MEIS1: variants seen among roughly 807,000 people sequenced by gnomAD.
The protein encoded by MEIS1 is Meis homeobox 1, also known as homeobox protein Meis1.
A neutral mutation model predicts 50.8 loss-of-function variants in MEIS1; 5 were observed. That is an observed-to-expected ratio of 0.10 (90% CI 0.05 to 0.21). MEIS1 has a LOEUF of 0.21. Ranked by LOEUF, MEIS1 falls within the 10% of genes least tolerant of loss-of-function variation. The probability of loss-of-function intolerance (pLI) is 1.00; values close to 1 mark genes in which losing one functional copy is unlikely to be tolerated. For synonymous variants in MEIS1, 176 were observed against 179.3 expected, an observed-to-expected ratio of 0.98 and a Z score of 0.15; for missense variants, 318 against 517.3, an observed-to-expected ratio of 0.61 and a Z score of 3.74.
intron 10 of MEIS1, 121 bp downstream of exon 10, chr2:66,567,632 TA>T (rs1472072906): frequency 2.3e-6 from 2 of 867,464 alleles, no homozygotes; most frequent in South Asian, 1.4e-5. Flanking sequence ...GCCTGGCAAT[TA>T]AAATTAAACC....
chr2:66,518,394 T>C (rs769610837), intron 8 of MEIS1, among the ~76,000 whole-genome samples: 7 of 152,174 alleles, frequency 4.6e-5, no homozygotes, highest in Non-Finnish European at 8.8e-5. Flanking sequence ...AAATTTTCTT[T>C]TTTTCCCAAG....
intron 8 of MEIS1, among the ~76,000 whole-genome samples, chr2:66,529,401 T>C (rs1674335322): frequency 6.6e-6 from 1 of 152,210 alleles, no homozygotes; most frequent in Admixed American, 6.5e-5. Context: ...GGTTAGGATA[T>C]CATCAGTGAC....
intron 12 of MEIS1, 187 bp downstream of exon 12, chr2:66,569,332 G>A (rs545940430): frequency 2.0e-6 from 1 of 512,396 alleles, no homozygotes; most frequent in South Asian, 2.2e-5. Context: ...TACTGTGTAT[G>A]ATGTACATTT....
chr2:66,520,204 G>A (rs983771500), intron 8 of MEIS1, among the ~76,000 whole-genome samples: 3 of 152,018 alleles, frequency 2.0e-5, no homozygotes, highest in Non-Finnish European at 4.4e-5. Context: ...GCCGGGCGCG[G>A]TGGCTCATGT....
chr2:66,571,782 G>T lies in MEIS1; in HGVS notation c.*574G>T. 2 of 432,522 alleles carry T rather than the reference G, an allele frequency of 4.6e-6. No homozygotes were observed. The highest frequency in any genetic ancestry group is 8.1e-6 in the Non-Finnish European group (2 of 247,482). The allele number at this position is 432,522 out of a possible 1,614,324, so 26.8% of individuals were successfully genotyped here. ...ATTATACTGTTATCCATATTACGTT[G>T]TTTCTTATAGATTTTTTAAAAAAAA... On this transcript the variant is annotated 3_prime_UTR_variant, in exon 13 of 13. Coordinates refer to ENST00000272369, the MANE Select transcript of MEIS1 (RefSeq NM_002398.3).
intron 7 of MEIS1, among the ~76,000 whole-genome samples, chr2:66,505,711 A>G (rs1327031417): frequency 6.6e-6 from 1 of 152,206 alleles, no homozygotes; most frequent in Non-Finnish European, 1.5e-5. Flanking sequence ...AGATGCACAA[A>G]CAGCAAGAAA....
At chr2:66,439,326 C>G in intron 2 of MEIS1, 1 of 1,163,594 alleles carries the variant, frequency 8.6e-7, no homozygotes, top group Non-Finnish European at 1.1e-6. Context: ...AGCCCGTTGA[C>G]AGTCGGCCCC....
chr2:66,523,437 G>T (rs1337932909), intron 8 of MEIS1, among the ~76,000 whole-genome samples: 1 of 152,130 alleles, frequency 6.6e-6, no homozygotes, highest in African/African-American at 2.4e-5. Flanking sequence ...TTTCAGTTAG[G>T]TTGTTCTTAT....
intron 6 of MEIS1, among the ~76,000 whole-genome samples, chr2:66,444,082 GA>G (rs1393220097): frequency 5.9e-5 from 9 of 152,116 alleles, no homozygotes; most frequent in Non-Finnish European, 1.2e-4. Flanking sequence ...CGTGTAGAGT[GA>G]GTGAGATGAA....
At chr2:66,482,803 A>G (rs1673049337) in intron 7 of MEIS1, among the ~76,000 whole-genome samples, 1 of 152,190 alleles carries the variant, frequency 6.6e-6, no homozygotes. Flanking sequence ...TGCTCTCTTT[A>G]GGAGTTACCT....
At position 66,519,523 on chromosome 2, in the gene MEIS1, G is replaced by C. The variant is rs562167731; in HGVS notation, c.888+7229G>C. On this transcript the variant is annotated intron_variant, in intron 8 of 12. Transcript: ENST00000272369. ...AACTCAGATAAGGCATCTCTTTCTT[G>C]GTGGGCCAGTGGAGAGCCTCCAGGA... Among the ~76,000 whole-genome samples the C allele has an allele frequency of 3.9e-5, 6 of 152,232 alleles. No individual in the cohort carries two copies. In the South Asian group the frequency reaches 8.3e-4, roughly 21 times the overall value.
intron 7 of MEIS1, among the ~76,000 whole-genome samples, chr2:66,467,424 C>T (rs1018128190): frequency 6.6e-6 from 1 of 151,908 alleles, no homozygotes; most frequent in African/African-American, 2.4e-5. Flanking sequence ...TGGTGAAATC[C>T]CATCTCTACT....
At chr2:66,474,119 C>A (rs1447960258) in intron 7 of MEIS1, among the ~76,000 whole-genome samples, 2 of 151,904 alleles carry the variant, frequency 1.3e-5, no homozygotes, top group African/African-American at 2.4e-5. Flanking sequence ...CTTCTATCCT[C>A]AGTTGGTTGA....
chr2:66,479,981 G>T (rs1436787156), intron 7 of MEIS1, among the ~76,000 whole-genome samples: 1 of 152,138 alleles, frequency 6.6e-6, no homozygotes, highest in East Asian at 1.9e-4. Flanking sequence ...TGTAGTGATG[G>T]CTGAATTGAT....
At chr2:66,494,277 A>G (rs1178757659) in intron 7 of MEIS1, among the ~76,000 whole-genome samples, 1 of 152,200 alleles carries the variant, frequency 6.6e-6, no homozygotes, top group Non-Finnish European at 1.5e-5. Context: ...ATTCTTTGTT[A>G]AAGTTTTCTT....
At chr2:66,470,082 A>C (rs1305307298) in intron 7 of MEIS1, among the ~76,000 whole-genome samples, 1 of 152,158 alleles carries the variant, frequency 6.6e-6, no homozygotes, top group Non-Finnish European at 1.5e-5. Context: ...AATGATCTCT[A>C]TTTGTTCACA....
chr2:66,460,502 G>C (rs947213383), intron 6 of MEIS1, among the ~76,000 whole-genome samples: 3 of 152,106 alleles, frequency 2.0e-5, no homozygotes, highest in African/African-American at 7.2e-5. Context: ...TATTTTAAAT[G>C]GCTGTCTCTT....
chr2:66,561,364 T>C (rs2103961494), intron 9 of MEIS1, among the ~76,000 whole-genome samples: 1 of 152,344 alleles, frequency 6.6e-6, no homozygotes, highest in East Asian at 1.9e-4. Flanking sequence ...ATTTGACAAC[T>C]ACCTTCCAAT....
chr2:66,443,494 G>A (rs1672051066), intron 6 of MEIS1: 1 of 170,606 alleles, frequency 5.9e-6, no homozygotes, highest in African/African-American at 2.4e-5. Flanking sequence ...AAGACAGCGA[G>A]AGTTTGAAAT....
Sources: allele counts gnomAD v4.1 joint callset (sites outside exome capture counted in the v4.1 genomes callset), GRCh38; gene constraint gnomAD v4.1.1; transcripts MANE v1.5; gene names NCBI Gene and HGNC (gene_info 2026-07-23, HGNC 2026-07-21).